The following TBCD variants were observed in gnomAD, a reference collection of about 807,000 sequenced individuals.
The protein encoded by TBCD is tubulin-specific chaperone D.
Under a neutral mutation model 169.3 loss-of-function variants are expected in TBCD, and 105 were observed. The observed-to-expected ratio is 0.62, with a 90% CI of 0.53 to 0.73. The LOEUF (loss-of-function observed/expected upper bound fraction) is 0.73. Ranked by LOEUF, TBCD falls within the 30% of genes least tolerant of loss-of-function variation. TBCD has a pLI of 0.00. For missense variants in TBCD, 1,444 were observed against 1,600.1 expected, an observed-to-expected ratio of 0.90 and a Z score of 1.66; for synonymous variants, 700 against 643.9, an observed-to-expected ratio of 1.09 and a Z score of -1.32.
intron 36 of TBCD, chr17:82,939,023 T>C (rs1182095361): frequency 7.8e-6 from 3 of 384,230 alleles, no homozygotes; most frequent in Non-Finnish European, 1.4e-5. Flanking sequence ...GCAGGCGAGA[T>C]TGCTTCTCTG....
At chr17:82,828,018 TAC>T (rs1378476731) in intron 13 of TBCD, among the ~76,000 whole-genome samples, 1 of 146,492 alleles carries the variant, frequency 6.8e-6, no homozygotes, top group Admixed American at 6.8e-5. Context: ...TGCAGATATG[TAC>T]ACGTGGACAC....
intron 13 of TBCD, among the ~76,000 whole-genome samples, chr17:82,824,848 G>T (rs890031721): frequency 4.6e-5 from 7 of 152,102 alleles, no homozygotes; most frequent in African/African-American, 1.7e-4. Context: ...CTTTTTGAGA[G>T]CTTATCACTT....
At chr17:82,834,145 G>A (rs567568291) in intron 13 of TBCD, among the ~76,000 whole-genome samples, 6 of 152,180 alleles carry the variant, frequency 3.9e-5, no homozygotes, top group African/African-American at 1.4e-4. Flanking sequence ...ACGGGGTTTT[G>A]CCATGTGGGC....
At chr17:82,899,960 GTTTATC>G (rs1019440987) in intron 17 of TBCD, among the ~76,000 whole-genome samples, 10 of 152,186 alleles carry the variant, frequency 6.6e-5, no homozygotes, top group African/African-American at 1.4e-4. Context: ...TTTGTTTGGG[GTTTATC>G]TTTATATATT....
chr17:82,912,177 G>C (rs1173499461), intron 23 of TBCD, among the ~76,000 whole-genome samples: 1 of 151,550 alleles, frequency 6.6e-6, no homozygotes, highest in Non-Finnish European at 1.5e-5. Flanking sequence ...GTGCCCTGTG[G>C]ACTGAGCAGC....
At chr17:82,753,079 A>C (rs1243783433) in intron 1 of TBCD, among the ~76,000 whole-genome samples, 1 of 152,178 alleles carries the variant, frequency 6.6e-6, no homozygotes, top group Non-Finnish European at 1.5e-5. Context: ...AGTCCTTAGG[A>C]GCTCATAGCT....
Position 82,832,486 on chromosome 17 carries a change from C to T in TBCD, c.1318+17552C>T, listed in dbSNP as rs748177496. On this transcript the variant is annotated intron_variant, in intron 13 of 38. Coordinates refer to ENST00000355528, the MANE Select transcript of TBCD (RefSeq NM_005993.5). This position sits in a 1 kb window ranked among gnomAD's most constrained non-coding sequence, Gnocchi z 4.9. ...CCTTATGCCTTGGACTCTGGCTGTC[C>T]AGGTGGCGTGATCACTGTCGACGCC... 23 of 1,593,724 alleles carry T rather than the reference C, an allele frequency of 1.4e-5. No homozygotes were observed. Among genetic ancestry groups the T allele is most frequent in the Non-Finnish European group, 1.9e-5 (22 of 1,171,216 alleles).
At position 82,794,585 on chromosome 17, in the gene TBCD, G is replaced by C. The variant is rs2049971308; in HGVS notation, c.772-3172G>C. Among the ~76,000 whole-genome samples the C allele has an allele frequency of 2.6e-5, 4 of 152,316 alleles. No homozygotes were observed. The South Asian group carries it at 6.2e-4, about 24-fold the overall frequency. On this transcript the variant is annotated intron_variant, in intron 7 of 38. Transcript: ENST00000355528. ...GAGCACTCAAGACCATTGATGACTAGAGTGCGCTCTCTCTGGCCGCGTCCT... is the reference window on the plus strand; with the variant it reads ...GAGCACTCAAGACCATTGATGACTACAGTGCGCTCTCTCTGGCCGCGTCCT...
At position 82,870,252 on chromosome 17, in the gene TBCD, C is replaced by T. The variant is rs755030630; in HGVS notation, c.1347C>T (p.Thr449=). 6.2e-7 allele frequency: 1 copy of T among 1,613,420 alleles called. No individual in the cohort carries two copies. The highest frequency in any genetic ancestry group is 8.5e-7 in the Non-Finnish European group (1 of 1,179,888). Residue 449 remains threonine (T), a synonymous_variant, in exon 14 of 39, where the codon ACC becomes ACT. Transcript: ENST00000355528. ...DVVAVILKAL[T]YDEKRGACSV... ...TCGCCGTGATCCTGAAGGCGCTGAC[C>T]TACGACGAGAAGCGGGGTGCCTGCA...
At chr17:82,850,079 TGTG>T (rs2055587103) in intron 13 of TBCD, among the ~76,000 whole-genome samples, 1 of 100,238 alleles carries the variant, frequency 1.0e-5, no homozygotes, top group African/African-American at 4.4e-5. Flanking sequence ...TTGGCTGTGC[TGTG>T]CTGCTGTTGG....
chr17:82,831,032 C>T lies in TBCD; in HGVS notation c.1318+16098C>T, dbSNP rs1307716873. ...ACATTTTCTTACCTTACTGGAGACT[C>T]TGCTGTGGTCTCAGCAGCCTGGGCA... On this transcript the variant is annotated intron_variant, in intron 13 of 38. Coordinates refer to ENST00000355528, the MANE Select transcript of TBCD (RefSeq NM_005993.5). The surrounding 1 kb of genome is among the most constrained non-coding windows in gnomAD (Gnocchi z 4.6). 1 of 1,614,052 alleles carries T rather than the reference C, an allele frequency of 6.2e-7. No individual in the cohort carries two copies. Among genetic ancestry groups the T allele is most frequent in the Non-Finnish European group, 8.5e-7 (1 of 1,180,044 alleles).
At position 82,890,086 on chromosome 17, in the gene TBCD, C is replaced by T. The variant is rs944963510; in HGVS notation, c.1563+389C>T. ...GCTTGTGCCTCATCCAGACCATAGACGGGCCCAGAAGTCAGCTCCCAGAAG... is the reference window on the plus strand; with the variant it reads ...GCTTGTGCCTCATCCAGACCATAGATGGGCCCAGAAGTCAGCTCCCAGAAG... On this transcript the variant is annotated intron_variant, in intron 16 of 38. Transcript: ENST00000355528. The surrounding 1 kb of genome is among the most constrained non-coding windows in gnomAD (Gnocchi z 5.3). 1.1e-4 allele frequency among the ~76,000 whole-genome samples: 16 copies of T among 152,194 alleles called. No individual in the cohort carries two copies. Among genetic ancestry groups the T allele is most frequent in the Non-Finnish European group, 1.6e-4 (11 of 68,044 alleles).
chr17:82,757,587 A>G (rs955915642), intron 2 of TBCD, among the ~76,000 whole-genome samples: 1 of 150,222 alleles, frequency 6.7e-6, no homozygotes, highest in Non-Finnish European at 1.5e-5. Flanking sequence ...ACGTCACTGC[A>G]CTCCAGCCTG....
Position 82,915,696 on chromosome 17 carries a change from C to T in TBCD, c.2038+3907C>T, listed in dbSNP as rs1364347495. On this transcript the variant is annotated intron_variant, in intron 23 of 38. Transcript: ENST00000355528. This position sits in a 1 kb window ranked among gnomAD's most constrained non-coding sequence, Gnocchi z 4.3. ...CATGTGGATCACCGAGGGCAGGGGC[C>T]GGGAGGAAGGGGGTCATCTGGCTCA... is the stretch of plus-strand genomic sequence containing the variant. 6.6e-6 allele frequency among the ~76,000 whole-genome samples: 1 copy of T among 152,098 alleles called. No homozygotes were observed. The highest frequency in any genetic ancestry group is 1.5e-5 in the Non-Finnish European group (1 of 68,016).
rs202166972 is a variant in TBCD, at chr17:82,827,732, TACAC to T, written c.1318+12803_1318+12806del. 5.4e-3 allele frequency among the ~76,000 whole-genome samples: 812 copies of T among 149,612 alleles called. 6 individuals are homozygous for T. Among genetic ancestry groups the T allele is most frequent in the African/African-American group, 0.014 (561 of 40,592 alleles). ...AATCGAATGTGCATACACCCACAGA[TACAC>T]ACACGTGCACACCCGTACAATCGAA... On this transcript the variant is annotated intron_variant, in intron 13 of 38. Transcript: ENST00000355528.
At position 82,903,425 on chromosome 17, in the gene TBCD, C is replaced by G; in HGVS notation, c.1751C>G (p.Ala584Gly). Residue 584 changes from alanine (A) to glycine (G), a missense_variant, in exon 19 of 39, where the codon GCG becomes GGG. Coordinates refer to ENST00000355528, the MANE Select transcript of TBCD (RefSeq NM_005993.5). The surrounding 1 kb of genome is among the most constrained non-coding windows in gnomAD (Gnocchi z 4.8). ...HWDGVIRELA[A>G]RALHNLAQQA... ...CTCAGGGTCATCCGAGAGTTGGCTGCGAGGGCGCTGCACAACCTGGCCCAG... is the reference window on the plus strand; with the variant it reads ...CTCAGGGTCATCCGAGAGTTGGCTGGGAGGGCGCTGCACAACCTGGCCCAG... The G allele has an allele frequency of 6.2e-7, 1 of 1,603,946 alleles. No homozygotes were observed. The highest frequency in any genetic ancestry group is 8.5e-7 in the Non-Finnish European group (1 of 1,175,400).
At position 82,850,076 on chromosome 17, in the gene TBCD, T is replaced by G. The variant is rs1386554107; in HGVS notation, c.1319-20148T>G. Among the ~76,000 whole-genome samples the G allele has an allele frequency of 2.5e-4, 6 of 24,222 alleles. 2 individuals are homozygous for G. 15.9% of individuals were successfully genotyped at this position (24,222 alleles called of 152,430 possible). A position where few individuals can be genotyped will look rare whatever the true frequency, so the allele number is the denominator to read the frequency against. On this transcript the variant is annotated intron_variant, in intron 13 of 38. Coordinates refer to ENST00000355528, the MANE Select transcript of TBCD (RefSeq NM_005993.5). The stretch of plus-strand genomic sequence containing the variant: ...TTGTTGGCTGTGCTGCTGTTGGCTG[T>G]GCTGTGCTGCTGTTGGCTGTGCTGC...
intron 12 of TBCD, among the ~76,000 whole-genome samples, chr17:82,810,580 G>C (rs2051360431): frequency 6.6e-6 from 1 of 152,228 alleles, no homozygotes; most frequent in Admixed American, 6.5e-5. Context: ...GCAGGGCCTG[G>C]GATTTCAGCC....
Position 82,819,841 on chromosome 17 carries a change from C to G in TBCD, c.1318+4907C>G, listed in dbSNP as rs181388424. ...CTTTTTTGTGGCTCCTCTTTGAACA[C>G]CTCTGTTGTTGTGGCAGGAGGAGGT... On this transcript the variant is annotated intron_variant, in intron 13 of 38. Transcript: ENST00000355528. 3.3e-5 allele frequency among the ~76,000 whole-genome samples: 5 copies of G among 152,244 alleles called. No individual in the cohort carries two copies. The East Asian group carries it at 7.7e-4, about 23-fold the overall frequency.
Sources: allele counts gnomAD v4.1 joint callset (sites outside exome capture counted in the v4.1 genomes callset), GRCh38; gene constraint gnomAD v4.1.1; non-coding constraint Gnocchi (gnomAD v3.1); transcripts MANE v1.5; gene names NCBI Gene and HGNC (gene_info 2026-07-23, HGNC 2026-07-21).